Variants in INTS13 observed in about 807,000 individuals in gnomAD.
INTS13 encodes the protein asunder, spermatogenesis regulator homolog (Drosphila).
A neutral mutation model predicts 90.2 loss-of-function variants in INTS13; 35 were observed. That is an observed-to-expected ratio of 0.39 (90% CI 0.30 to 0.51). INTS13 has a LOEUF of 0.51. Ranked by LOEUF, INTS13 falls within the 20% of genes least tolerant of loss-of-function variation. INTS13 has a pLI of 0.80. For synonymous variants in INTS13, 309 were observed against 277.1 expected (o/e 1.11, Z -1.14); for missense variants, 601 against 851.2 (o/e 0.71, Z 3.66).
intron 2 of INTS13, among the ~76,000 whole-genome samples, chr12:26,935,913 C>A (rs1938434694): frequency 6.6e-6 from 1 of 152,180 alleles, no homozygotes; most frequent in Non-Finnish European, 1.5e-5. Context: ...ATTTAAGATA[C>A]TGAAATCTAA....
chr12:26,934,736 C>T (rs1421995302), intron 2 of INTS13, 106 bp from the exon 3 acceptor site: 1 of 861,996 alleles, frequency 1.2e-6, no homozygotes, highest in African/African-American at 1.7e-5. Flanking sequence ...CTGATTCATT[C>T]ATTCTTCTTT....
intron 15 of INTS13, among the ~76,000 whole-genome samples, chr12:26,907,703 T>C (rs1256701727): frequency 6.6e-6 from 1 of 152,180 alleles, no homozygotes; most frequent in African/African-American, 2.4e-5. Context: ...AGAACTTGTA[T>C]CCAGATAAAT....
At chr12:26,919,329 G>A (rs1361470998) in intron 8 of INTS13, among the ~76,000 whole-genome samples, 1 of 152,072 alleles carries the variant, frequency 6.6e-6, no homozygotes, top group African/African-American at 2.4e-5. Flanking sequence ...TTTGAGATGA[G>A]AATAAAAAGG....
chr12:26,918,277 A>G (rs1952002300), intron 8 of INTS13, among the ~76,000 whole-genome samples: 1 of 152,206 alleles, frequency 6.6e-6, no homozygotes, highest in South Asian at 2.1e-4. Context: ...CAACAATGAA[A>G]AAAATGTCAG....
intron 15 of INTS13, among the ~76,000 whole-genome samples, chr12:26,909,512 T>C (rs1030727921): frequency 6.7e-5 from 10 of 149,512 alleles, no homozygotes; most frequent in Admixed American, 6.0e-4. Context: ...AGTCTTACTC[T>C]GTCGCCTGGG....
rs1420159485 is a variant in INTS13, at chr12:26,924,361, T to C, written c.798A>G (p.Pro266=). ...AGGAAAAAGAACTGCCTACCTTCAT[T>C]GGAATATTTGTAATAGTAGTTGAAG... ...DLASTTITNI[P]MKEEQHANTS... The change falls in exon 7 of 17, where the codon CCA becomes CCG. Residue 266 remains proline, a synonymous_variant. Coordinates refer to ENST00000261191, the MANE Select transcript of INTS13 (RefSeq NM_018164.3). The C allele has an allele frequency of 1.9e-6, 3 of 1,610,044 alleles. No individual in the cohort carries two copies. The highest frequency in any genetic ancestry group is 2.7e-5 in the African/African-American group (2 of 74,642).
Position 26,911,173 on chromosome 12 carries a change from C to A in INTS13, c.1945+5G>T. The A allele has an allele frequency of 6.2e-7, 1 of 1,612,162 alleles. No individual in the cohort carries two copies. The highest frequency in any genetic ancestry group is 1.1e-5 in the South Asian group (1 of 90,680). On this transcript the variant is annotated splice_donor_5th_base_variant and intron_variant, in intron 15 of 16. Transcript: ENST00000261191. ...ATAAACCTAGTTACCACAGCTGTACCTTACCTTTTGATTTTTCCACTTGTG... is the reference window on the plus strand; with the variant it reads ...ATAAACCTAGTTACCACAGCTGTACATTACCTTTTGATTTTTCCACTTGTG...
At chr12:26,926,605 G>A (rs992219208) in intron 5 of INTS13, among the ~76,000 whole-genome samples, 1 of 151,994 alleles carries the variant, frequency 6.6e-6, no homozygotes, top group Non-Finnish European at 1.5e-5. Flanking sequence ...TTTACTAGCT[G>A]TGACACAATC....
rs910085444 is a variant in INTS13 at position 26,914,044 on chromosome 12, C to G, written c.1504G>C (p.Val502Leu). ...LNCQKTIYNLVDMERKNDPLP... is the reference protein window; with the variant it reads ...LNCQKTIYNLLDMERKNDPLP... Reference sequence around the variant, plus strand: ...GGATCATTTTTTCTTTCCATATCAACTAAGTTGTATATTGTTTTTTGACAG... The same window carrying G: ...GGATCATTTTTTCTTTCCATATCAAGTAAGTTGTATATTGTTTTTTGACAG... The change falls in exon 13 of 17, where the codon GTT becomes CTT. Residue 502 changes from valine (V) to leucine (L), a missense_variant. Val to Leu is a conservative substitution (Grantham distance 32). Transcript: ENST00000261191. 1.2e-6 allele frequency: 2 copies of G among 1,611,408 alleles called. No individual in the cohort carries two copies. The highest frequency in any genetic ancestry group is 1.7e-4 in the Middle Eastern group (1 of 5,948).
At position 26,922,001 on chromosome 12, in the gene INTS13, C is replaced by T. The variant is rs142111804; in HGVS notation, c.889+615G>A. On this transcript the variant is annotated intron_variant, in intron 8 of 16. Coordinates refer to ENST00000261191, the MANE Select transcript of INTS13 (RefSeq NM_018164.3). Reference sequence around the variant, plus strand: ...TACAAAATTCCAGAAATAAACAATTCATAAGTTTTACACTGCATGCTGTTC... The same window carrying T: ...TACAAAATTCCAGAAATAAACAATTTATAAGTTTTACACTGCATGCTGTTC... Among the ~76,000 whole-genome samples, 214 of 152,306 alleles carry T rather than the reference C, an allele frequency of 1.4e-3. 1 individual carries two copies. Among genetic ancestry groups the T allele is most frequent in the African/African-American group, 5.1e-3 (211 of 41,564 alleles).
At chr12:26,917,130 C>T (rs1316404551) in intron 10 of INTS13, among the ~76,000 whole-genome samples, 1 of 151,878 alleles carries the variant, frequency 6.6e-6, no homozygotes, top group African/African-American at 2.4e-5. Flanking sequence ...GAAAGCCAAA[C>T]CTAAAGTCAT....
chr12:26,912,426 G>T (rs1443180728), intron 14 of INTS13, among the ~76,000 whole-genome samples: 2 of 152,140 alleles, frequency 1.3e-5, no homozygotes, highest in African/African-American at 4.8e-5. Context: ...GATAGAGCGA[G>T]ACTCTGTCTC....
At chr12:26,935,565 C>A (rs760678403) in intron 2 of INTS13, among the ~76,000 whole-genome samples, 1 of 152,104 alleles carries the variant, frequency 6.6e-6, no homozygotes, top group African/African-American at 2.4e-5. Context: ...TATACTTACA[C>A]GGGAGGAAAC....
At chr12:26,931,863 G>T (rs982848242) in intron 3 of INTS13, among the ~76,000 whole-genome samples, 2 of 152,256 alleles carry the variant, frequency 1.3e-5, no homozygotes, top group African/African-American at 4.8e-5. Context: ...GAGGCGGGTG[G>T]ATCACCTGAC....
At chr12:26,914,642 T>C in intron 11 of INTS13, 64 bp from the exon 12 acceptor site, 3 of 1,328,390 alleles carry the variant, frequency 2.3e-6, no homozygotes, top group South Asian at 1.3e-5. Context: ...GGATTACATG[T>C]ACTAGTCTGT....
intron 16 of INTS13, 94 bp from the exon 17 acceptor site, chr12:26,905,630 ATT>A (rs1951587355): frequency 1.6e-6 from 2 of 1,229,134 alleles, no homozygotes; most frequent in South Asian, 2.6e-5. Flanking sequence ...AAAATAATAT[ATT>A]CACAGAACAG....
At chr12:26,928,349 A>G in intron 4 of INTS13, 64 bp from the exon 5 acceptor site, 3 of 1,259,712 alleles carry the variant, frequency 2.4e-6, no homozygotes, top group Non-Finnish European at 1.2e-6. Context: ...AATTCAAAAC[A>G]CTCTTCCGCT....
At chr12:26,917,548 T>C in intron 9 of INTS13, 96 bp downstream of exon 9, 3 of 1,329,602 alleles carry the variant, frequency 2.3e-6, no homozygotes, top group Non-Finnish European at 2.1e-6. Context: ...CCTGAAACAA[T>C]GAAAAACGAA....
intron 15 of INTS13, among the ~76,000 whole-genome samples, chr12:26,906,666 G>C (rs1266280269): frequency 2.0e-5 from 3 of 152,116 alleles, no homozygotes; most frequent in African/African-American, 7.2e-5. Flanking sequence ...CTGATGGAAG[G>C]ACTCAAATGA....
Sources: allele counts gnomAD v4.1 joint callset (sites outside exome capture counted in the v4.1 genomes callset), GRCh38; gene constraint gnomAD v4.1.1; transcripts MANE v1.5; gene names NCBI Gene and HGNC (gene_info 2026-07-23, HGNC 2026-07-21).